Variants in TSHZ3 observed in about 807,000 individuals in gnomAD.
TSHZ3 encodes teashirt homolog 3.
A neutral mutation model predicts 64.5 loss-of-function variants in TSHZ3; 10 were observed. The ratio of observed to expected loss-of-function variants is 0.16; its 90% CI spans 0.10 to 0.26. The LOEUF (loss-of-function observed/expected upper bound fraction) is 0.26, where lower values mean the gene tolerates loss of function less well. Ranked by LOEUF, TSHZ3 falls within the 10% of genes least tolerant of loss-of-function variation. The pLI, the probability that TSHZ3 is intolerant of heterozygous loss-of-function variation, is 1.00. For synonymous variants in TSHZ3, 608 were observed against 593.1 expected, an observed-to-expected ratio of 1.03 and a Z score of -0.36; for missense variants, 1,242 against 1,421.7, an observed-to-expected ratio of 0.87 and a Z score of 2.03.
intron 5 of TSHZ3, among the ~76,000 whole-genome samples, chr19:31,160,246 T>C (rs1192403658): frequency 1.3e-5 from 2 of 152,140 alleles, no homozygotes; most frequent in Non-Finnish European, 2.9e-5. Context: ...CTGTGGACTC[T>C]GGAGGCCTCC....
At chr19:31,285,935 G>T (rs866527356) in intron 1 of TSHZ3, among the ~76,000 whole-genome samples, 1 of 152,098 alleles carries the variant, frequency 6.6e-6, no homozygotes, top group African/African-American at 2.4e-5. Flanking sequence ...GGACTGTGAG[G>T]GGGAGGAGGT....
chr19:31,303,958 C>T (rs1342985820), intron 1 of TSHZ3, among the ~76,000 whole-genome samples: 5 of 149,186 alleles, frequency 3.4e-5, no homozygotes, highest in Non-Finnish European at 4.4e-5. Flanking sequence ...TTCATGAAGT[C>T]CTCACTCTTT....
At chr19:31,309,451 C>A (rs1396040066) in intron 1 of TSHZ3, among the ~76,000 whole-genome samples, 1 of 152,080 alleles carries the variant, frequency 6.6e-6, no homozygotes, top group South Asian at 2.1e-4. Context: ...AGTCAATCCC[C>A]GCATGGAATG....
intron 5 of TSHZ3, among the ~76,000 whole-genome samples, chr19:31,173,230 A>C (rs1974561557): frequency 6.6e-6 from 1 of 152,198 alleles, no homozygotes; most frequent in African/African-American, 2.4e-5. Context: ...TTCTAAAGGC[A>C]ATCCAACAGG....
At chr19:31,266,665 A>C (rs2145202889) in intron 1 of TSHZ3, among the ~76,000 whole-genome samples, 1 of 152,332 alleles carries the variant, frequency 6.6e-6, no homozygotes, top group South Asian at 2.1e-4. Context: ...AAAAAGAAAA[A>C]AAGTTGTGGT....
upstream of TSHZ3, among the ~76,000 whole-genome samples, chr19:31,349,869 G>T (rs1361360189): frequency 6.8e-6 from 1 of 147,466 alleles, no homozygotes; most frequent in Non-Finnish European, 1.5e-5. Context: ...AAAAGGAGAT[G>T]ATCGTGTCAA....
intron 5 of TSHZ3, among the ~76,000 whole-genome samples, chr19:31,175,859 C>T (rs1369134002): frequency 6.6e-6 from 1 of 152,240 alleles, no homozygotes; most frequent in Admixed American, 6.5e-5. Context: ...TGGCATCAGC[C>T]TTTACTTAGC....
Position 31,278,016 on chromosome 19 carries a change from A to C in TSHZ3, c.1777T>G (p.Ser593Ala). 2 of 1,613,800 alleles carry C rather than the reference A, an allele frequency of 1.2e-6. No individual in the cohort carries two copies. The highest frequency in any genetic ancestry group is 1.7e-6 in the Non-Finnish European group (2 of 1,179,764). The part of the protein sequence containing the change: ...VSPTKNQTLV[S>A]PPSSQTSPMP... The stretch of plus-strand genomic sequence containing the variant: ...GGGGACGTCTGGCTGCTGGGTGGAG[A>C]GACCAGGGTCTGGTTTTTCGTCGGG... Residue 593 changes from serine to alanine, a missense_variant, in exon 2 of 2, where the codon TCT becomes GCT. By Grantham distance (99) the Ser-to-Ala change is moderately conservative (BLOSUM62 1). Coordinates refer to ENST00000240587, the MANE Select transcript of TSHZ3 (RefSeq NM_020856.4). This position sits in a 1 kb window ranked among gnomAD's most constrained non-coding sequence, Gnocchi z 4.7.
chr19:31,162,543 C>A lies in TSHZ3; in HGVS notation n.810-6126G>T, dbSNP rs569272818. ...TTCCTGGGGCATGGAGAGCTGGAGT[C>A]TTGCCTCTCTTTCCTTTTCCACCTC... On this transcript the variant is annotated intron_variant and non_coding_transcript_variant, in intron 5 of 6. Transcript: ENST00000651361. 3.9e-5 allele frequency among the ~76,000 whole-genome samples: 6 copies of A among 152,170 alleles called. No individual in the cohort carries two copies. The South Asian group carries it at 1.3e-3, about 32-fold the overall frequency.
chr19:31,326,920 A>G (rs1916947376), intron 1 of TSHZ3, among the ~76,000 whole-genome samples: 1 of 152,222 alleles, frequency 6.6e-6, no homozygotes, highest in African/African-American at 2.4e-5. Flanking sequence ...GCCAGTGTGC[A>G]CAGGCCAGAG....
chr19:31,298,306 G>C (rs1017801052), intron 1 of TSHZ3, among the ~76,000 whole-genome samples: 3 of 152,104 alleles, frequency 2.0e-5, no homozygotes, highest in Admixed American at 6.5e-5. Context: ...CTTTTTCCCA[G>C]TGGGCTGGGT....
chr19:31,341,513 G>A (rs2145197260), intron 1 of TSHZ3, among the ~76,000 whole-genome samples: 1 of 152,220 alleles, frequency 6.6e-6, no homozygotes, highest in East Asian at 1.9e-4. Flanking sequence ...CATGAAAGGT[G>A]TAGGAAAATA....
upstream of TSHZ3, among the ~76,000 whole-genome samples, chr19:31,350,388 TG>T (rs942954023): frequency 1.3e-5 from 2 of 150,864 alleles, no homozygotes; most frequent in African/African-American, 2.4e-5. Context: ...CTCCTGACTT[TG>T]GGATGATCAG....
At chr19:31,229,510 A>G (rs1975512414) in intron 3 of TSHZ3, among the ~76,000 whole-genome samples, 1 of 152,232 alleles carries the variant, frequency 6.6e-6, no homozygotes, top group South Asian at 2.1e-4. Context: ...CGGATTATAA[A>G]TTTAAAAATA....
At chr19:31,205,709 C>G (rs1408037249) in intron 4 of TSHZ3, among the ~76,000 whole-genome samples, 1 of 152,218 alleles carries the variant, frequency 6.6e-6, no homozygotes, top group Non-Finnish European at 1.5e-5. Context: ...GCAGACTCAG[C>G]CCAAAACAGA....
intron 1 of TSHZ3, among the ~76,000 whole-genome samples, chr19:31,317,518 C>G (rs557069088): frequency 6.6e-6 from 1 of 152,282 alleles, no homozygotes; most frequent in Admixed American, 6.5e-5. Context: ...CCACACTGAC[C>G]CTACTGGCCA....
At chr19:31,307,765 CCTTTA>C (rs1458682080) in intron 1 of TSHZ3, among the ~76,000 whole-genome samples, 1 of 152,190 alleles carries the variant, frequency 6.6e-6, no homozygotes, top group Non-Finnish European at 1.5e-5. Flanking sequence ...CTTAGGCGGG[CCTTTA>C]ATGGGTAACT....
intron 3 of TSHZ3, among the ~76,000 whole-genome samples, chr19:31,230,986 G>A (rs911261559): frequency 6.6e-6 from 1 of 151,848 alleles, no homozygotes; most frequent in African/African-American, 2.4e-5. Flanking sequence ...ACAGGCATGA[G>A]CCACCGCCGC....
intron 1 of TSHZ3, among the ~76,000 whole-genome samples, chr19:31,265,144 C>T (rs11669042): frequency 0.023 from 3,538 of 152,012 alleles, 66 homozygotes; most frequent in Admixed American, 0.04. Flanking sequence ...TGCCTGTAAT[C>T]CTAGCACGTT....
Sources: gnomAD v4.1 joint callset for allele counts (sites outside exome capture counted in the v4.1 genomes callset) on GRCh38, gnomAD v4.1.1 for gene constraint, Gnocchi (gnomAD v3.1) non-coding constraint, MANE v1.5 for transcripts, NCBI Gene and HGNC (gene_info 2026-07-23, HGNC 2026-07-21) for gene names.